The following GRIK4 variants were observed in gnomAD, a reference collection of about 807,000 sequenced individuals.
The protein encoded by GRIK4 is glutamate receptor ionotropic, kainate 4.
In GRIK4, 40 loss-of-function variants were observed where a neutral mutation model predicts 104.9. The ratio of observed to expected loss-of-function variants is 0.38; its 90% CI spans 0.30 to 0.50. The LOEUF is 0.50. Among genes scored for constraint, GRIK4 ranks in the 20% least tolerant of loss-of-function variants. GRIK4 has a pLI of 0.93. For synonymous variants in GRIK4, 485 were observed against 524.9 expected (o/e 0.92, Z 1.04); for missense variants, 1,047 against 1,308.1 (o/e 0.80, Z 3.08).
intron 14 of GRIK4, among the ~76,000 whole-genome samples, chr11:120,944,281 T>C (rs898185635): frequency 2.0e-5 from 3 of 151,072 alleles, no homozygotes; most frequent in African/African-American, 7.3e-5. Context: ...TCTATTCTTA[T>C]TCTACCAACT....
intron 11 of GRIK4, among the ~76,000 whole-genome samples, chr11:120,892,667 C>T (rs541478333): frequency 2.6e-5 from 4 of 152,198 alleles, no homozygotes; most frequent in East Asian, 1.9e-4. Context: ...AGTGCATTGC[C>T]GCAGAAGTGA....
rs774356891 is a variant in GRIK4 at position 120,967,233 on chromosome 11, C to T, written c.2305C>T (p.Gln769Ter). 2 of 1,613,810 alleles carry T rather than the reference C, an allele frequency of 1.2e-6. No homozygotes were observed. ...FRDEFDLAIL[Q>*]LQENNRLEIL... ...GGACGAGTTTGATCTGGCCATTCTCCAGCTGCAGGAGAACAACCGCCTGGA... is the reference window on the plus strand; with the variant it reads ...GGACGAGTTTGATCTGGCCATTCTCTAGCTGCAGGAGAACAACCGCCTGGA... Residue 769 changes from glutamine to a stop codon, truncating the protein, a stop_gained, in exon 19 of 21, where the codon CAG becomes TAG. Transcript: ENST00000527524. LOFTEE classifies it high-confidence loss of function. The surrounding 1 kb of genome is among the most constrained non-coding windows in gnomAD (Gnocchi z 4.2).
chr11:120,600,820 T>C (rs1297532478), intron 1 of GRIK4, among the ~76,000 whole-genome samples: 1 of 152,170 alleles, frequency 6.6e-6, no homozygotes, highest in Non-Finnish European at 1.5e-5. Flanking sequence ...CCTAGCACTT[T>C]GGGAGGCTGA....
intron 7 of GRIK4, among the ~76,000 whole-genome samples, chr11:120,834,181 A>G (rs1048868456): frequency 1.8e-4 from 28 of 152,144 alleles, no homozygotes; most frequent in African/African-American, 5.8e-4. Context: ...AGGCTGTAAC[A>G]GTTTACACTT....
intron 1 of GRIK4, among the ~76,000 whole-genome samples, chr11:120,568,776 C>A (rs886542909): frequency 6.6e-5 from 10 of 152,106 alleles, no homozygotes; most frequent in African/African-American, 2.2e-4. Flanking sequence ...GGAGTTAGAC[C>A]CTCAGAGAGG....
intron 13 of GRIK4, among the ~76,000 whole-genome samples, chr11:120,935,057 G>T (rs1209755322): frequency 6.6e-6 from 1 of 152,158 alleles, no homozygotes; most frequent in East Asian, 1.9e-4. Flanking sequence ...GTTCAATACT[G>T]CTGACCGCCA....
At chr11:120,627,420 TG>T (rs1949275277) in intron 1 of GRIK4, among the ~76,000 whole-genome samples, 1 of 152,216 alleles carries the variant, frequency 6.6e-6, no homozygotes, top group Non-Finnish European at 1.5e-5. Flanking sequence ...CCTGTGAATG[TG>T]GGCACTTCCC....
At chr11:120,799,082 G>A (rs1040836583) in intron 3 of GRIK4, among the ~76,000 whole-genome samples, 1 of 152,194 alleles carries the variant, frequency 6.6e-6, no homozygotes, top group Admixed American at 6.5e-5. Flanking sequence ...CAGGCCCAGC[G>A]TGACTCTGAA....
chr11:120,679,491 C>T (rs781268319), intron 3 of GRIK4, among the ~76,000 whole-genome samples: 2 of 152,214 alleles, frequency 1.3e-5, no homozygotes, highest in South Asian at 2.1e-4. Flanking sequence ...GAGCATGGCC[C>T]ATGCAGGGCC....
chr11:120,620,873 C>T (rs1949178378), intron 1 of GRIK4, among the ~76,000 whole-genome samples: 1 of 152,156 alleles, frequency 6.6e-6, no homozygotes, highest in South Asian at 2.1e-4. Context: ...CGATCTCATT[C>T]AATCCTTACA....
At chr11:120,614,771 G>A (rs1283941737) in intron 1 of GRIK4, among the ~76,000 whole-genome samples, 5 of 152,188 alleles carry the variant, frequency 3.3e-5, no homozygotes, top group East Asian at 1.9e-4. Flanking sequence ...AGGCCAAGGC[G>A]GGTGGATCAT....
At chr11:120,862,932 C>T (rs1954301343) in intron 9 of GRIK4, among the ~76,000 whole-genome samples, 1 of 152,198 alleles carries the variant, frequency 6.6e-6, no homozygotes, top group Non-Finnish European at 1.5e-5. Flanking sequence ...CTCCAACTTC[C>T]TGAGGCAGCT....
At chr11:120,710,284 A>G (rs1294878678) in intron 3 of GRIK4, among the ~76,000 whole-genome samples, 2 of 152,160 alleles carry the variant, frequency 1.3e-5, no homozygotes, top group African/African-American at 2.4e-5. Flanking sequence ...CAATAGAACA[A>G]TTCTATAATT....
intron 1 of GRIK4, among the ~76,000 whole-genome samples, chr11:120,595,783 A>G (rs549193104): frequency 1.3e-5 from 2 of 152,134 alleles, no homozygotes; most frequent in Non-Finnish European, 2.9e-5. Context: ...TGCCCTGGGG[A>G]CACTGCTCTC....
chr11:120,639,884 A>G (rs993017209), intron 1 of GRIK4, among the ~76,000 whole-genome samples: 4 of 152,148 alleles, frequency 2.6e-5, no homozygotes, highest in Non-Finnish European at 5.9e-5. Context: ...CCTAGAATAC[A>G]ATCTAGACTT....
At chr11:120,800,035 G>A (rs908048283) in intron 3 of GRIK4, among the ~76,000 whole-genome samples, 2 of 147,706 alleles carry the variant, frequency 1.4e-5, no homozygotes, top group Non-Finnish European at 3.0e-5. Context: ...TGTATTTTTA[G>A]TAGAGACGAG....
chr11:120,800,941 T>C (rs528561398), intron 3 of GRIK4, among the ~76,000 whole-genome samples: 12 of 151,996 alleles, frequency 7.9e-5, no homozygotes, highest in South Asian at 2.1e-4. Context: ...ATGGCTTTCT[T>C]GAGATATAAC....
chr11:120,882,484 A>G (rs976304879), intron 11 of GRIK4, among the ~76,000 whole-genome samples: 5 of 152,180 alleles, frequency 3.3e-5, no homozygotes, highest in Non-Finnish European at 7.3e-5. Flanking sequence ...GATTTCCCCC[A>G]GAACCAGTGG....
At chr11:120,761,929 C>T (rs560268123) in intron 3 of GRIK4, among the ~76,000 whole-genome samples, 6 of 152,186 alleles carry the variant, frequency 3.9e-5, no homozygotes, top group Admixed American at 1.3e-4. Context: ...CTTGGCTATA[C>T]GGACTCTTTT....
Sources: allele counts gnomAD v4.1 joint callset (sites outside exome capture counted in the v4.1 genomes callset), GRCh38; gene constraint gnomAD v4.1.1; non-coding constraint Gnocchi (gnomAD v3.1); transcripts MANE v1.5; gene names NCBI Gene and HGNC (gene_info 2026-07-23, HGNC 2026-07-21).